MLLT10: variants seen among roughly 807,000 people sequenced by gnomAD.
MLLT10 encodes the protein MLLT10 histone lysine methyltransferase DOT1L cofactor.
A neutral mutation model predicts 129.1 loss-of-function variants in MLLT10; 30 were observed. That is an observed-to-expected ratio of 0.23 (90% CI 0.17 to 0.32). The LOEUF is 0.32. Ranked by LOEUF, MLLT10 falls within the 10% of genes least tolerant of loss-of-function variation. The pLI is 1.00. For missense variants in MLLT10, 1,119 were observed against 1,268.3 expected (o/e 0.88, Z 1.79); for synonymous variants, 490 against 446.4 (o/e 1.10, Z -1.23).
chr10:21,538,424 A>G (rs993876541), intron 2 of MLLT10, among the ~76,000 whole-genome samples: 1 of 151,872 alleles, frequency 6.6e-6, no homozygotes, highest in Non-Finnish European at 1.5e-5. Flanking sequence ...CAGCCTCCCA[A>G]AGTGCTGGGA....
At chr10:21,741,267 T>C (rs1039041493) in intron 22 of MLLT10, among the ~76,000 whole-genome samples, 1 of 77,918 alleles carries the variant, frequency 1.3e-5, no homozygotes, top group Non-Finnish European at 2.3e-5. Flanking sequence ...TCTTTGGTAG[T>C]ATTTTTTCCC....
At chr10:21,690,006 A>G (rs1489417649) in intron 13 of MLLT10, among the ~76,000 whole-genome samples, 5 of 152,034 alleles carry the variant, frequency 3.3e-5, no homozygotes, top group Admixed American at 6.6e-5. Context: ...TACTAACACA[A>G]TATTTAGGTA....
intron 3 of MLLT10, among the ~76,000 whole-genome samples, chr10:21,549,122 C>CTTT (rs5783779): frequency 1.5e-5 from 2 of 130,390 alleles, no homozygotes; most frequent in South Asian, 2.4e-4. Flanking sequence ...GAGCTTATTC[C>CTTT]TTTTTTTTTT....
chr10:21,647,892 TG>T (rs1018123019), intron 8 of MLLT10, among the ~76,000 whole-genome samples: 3 of 151,988 alleles, frequency 2.0e-5, no homozygotes, highest in African/African-American at 7.2e-5. Flanking sequence ...TTTTATTTTT[TG>T]GGGGGGAGGT....
chr10:21,544,001 T>G (rs1202142811), intron 3 of MLLT10, among the ~76,000 whole-genome samples: 1 of 152,246 alleles, frequency 6.6e-6, no homozygotes, highest in Admixed American at 6.5e-5. Context: ...TGTTCCAAAA[T>G]GAGTAGCTAA....
intron 17 of MLLT10, 83 bp from the exon 18 acceptor site, chr10:21,732,816 T>G: frequency 3.6e-6 from 4 of 1,099,814 alleles, no homozygotes; most frequent in Non-Finnish European, 5.1e-6. Flanking sequence ...TTTAACTTAT[T>G]TCTAAGGTTA....
chr10:21,740,752 C>T (rs745759152), intron 22 of MLLT10, among the ~76,000 whole-genome samples: 1 of 152,158 alleles, frequency 6.6e-6, no homozygotes, highest in African/African-American at 2.4e-5. Flanking sequence ...GTGATGGCAT[C>T]GTACCCTTTC....
intron 14 of MLLT10, among the ~76,000 whole-genome samples, chr10:21,717,620 T>TTCC (rs776745862): frequency 1.8e-3 from 187 of 104,202 alleles, no homozygotes; most frequent in Admixed American, 4.5e-3. Flanking sequence ...CTTCCTCCTC[T>TTCC]TCCTCCTCCT....
At chr10:21,583,974 A>G (rs1378193896) in intron 3 of MLLT10, among the ~76,000 whole-genome samples, 1 of 150,830 alleles carries the variant, frequency 6.6e-6, no homozygotes, top group African/African-American at 2.4e-5. Flanking sequence ...GGTTCACGCC[A>G]TTCTTCTGCT....
At chr10:21,644,461 A>G (rs1393709742) in intron 8 of MLLT10, among the ~76,000 whole-genome samples, 2 of 151,996 alleles carry the variant, frequency 1.3e-5, no homozygotes, top group East Asian at 3.9e-4. Context: ...GCTTGGGAGG[A>G]GGGGCGCAGT....
intron 4 of MLLT10, among the ~76,000 whole-genome samples, chr10:21,593,123 G>GTTTTTTT: frequency 6.7e-6 from 1 of 148,292 alleles, no homozygotes. Flanking sequence ...TCTTGAGATA[G>GTTTTTTT]GGTCTCTATC....
chr10:21,548,075 G>A (rs1401193387), intron 3 of MLLT10, among the ~76,000 whole-genome samples: 1 of 152,014 alleles, frequency 6.6e-6, no homozygotes. Flanking sequence ...TCTCTTGGAA[G>A]CTAGTTTGAA....
intron 8 of MLLT10, chr10:21,625,034 C>T (rs993272062): frequency 8.7e-6 from 8 of 916,326 alleles, no homozygotes; most frequent in East Asian, 4.8e-5. Flanking sequence ...AGGGAATCTT[C>T]GTAACCTCCT....
At chr10:21,634,102 A>G (rs1473805275) in intron 8 of MLLT10, among the ~76,000 whole-genome samples, 1 of 152,082 alleles carries the variant, frequency 6.6e-6, no homozygotes, top group Non-Finnish European at 1.5e-5. Context: ...TAGCCGAGTG[A>G]CGTGGCTCGT....
intron 3 of MLLT10, among the ~76,000 whole-genome samples, chr10:21,557,395 G>T (rs190674793): frequency 1.9e-4 from 29 of 152,220 alleles, no homozygotes; most frequent in African/African-American, 7.0e-4. Context: ...TCTCCCTTGC[G>T]TATCTGGTAT....
At chr10:21,598,875 A>G (rs2131144537) in intron 5 of MLLT10, among the ~76,000 whole-genome samples, 1 of 151,514 alleles carries the variant, frequency 6.6e-6, no homozygotes, top group East Asian at 2.0e-4. Flanking sequence ...ACGGAGTGAG[A>G]TTCTGTCTCA....
chr10:21,593,099 A>ATTTTTT (rs34081128), intron 4 of MLLT10, among the ~76,000 whole-genome samples: 3 of 146,018 alleles, frequency 2.1e-5, no homozygotes, highest in Non-Finnish European at 4.5e-5. Flanking sequence ...CCACCCATTG[A>ATTTTTT]TTTTTTTTTT....
intron 8 of MLLT10, among the ~76,000 whole-genome samples, chr10:21,640,241 TA>T (rs1182092390): frequency 6.9e-6 from 1 of 143,904 alleles, no homozygotes; most frequent in Non-Finnish European, 1.5e-5. Flanking sequence ...TTATGTAATA[TA>T]AATATTTATA....
intron 11 of MLLT10, among the ~76,000 whole-genome samples, chr10:21,675,161 G>A (rs2051954646): frequency 6.6e-6 from 1 of 152,192 alleles, no homozygotes; most frequent in Non-Finnish European, 1.5e-5. Context: ...GCTTTGAAAG[G>A]TGAAATAAGA....
Sources: gnomAD v4.1 joint callset for allele counts (sites outside exome capture counted in the v4.1 genomes callset) on GRCh38, gnomAD v4.1.1 for gene constraint, MANE v1.5 for transcripts, NCBI Gene and HGNC (gene_info 2026-07-23, HGNC 2026-07-21) for gene names.